The following ARL15 variants were observed in gnomAD, a reference collection of about 807,000 sequenced individuals.
ARL15 encodes the protein ADP-ribosylation factor-like protein 15.
In ARL15, 19 loss-of-function variants were observed where a neutral mutation model predicts 25.2. The observed-to-expected ratio is 0.75, with a 90% CI of 0.53 to 1.10. The LOEUF is 1.10. Ranked by LOEUF, ARL15 falls within the 50% of genes least tolerant of loss-of-function variation. The probability of loss-of-function intolerance (pLI) is 0.00; values close to 1 mark genes in which losing one functional copy is unlikely to be tolerated. For synonymous variants in ARL15, 94 were observed against 86.8 expected, an observed-to-expected ratio of 1.08 and a Z score of -0.46; for missense variants, 220 against 246.0, an observed-to-expected ratio of 0.89 and a Z score of 0.71.
rs562697715 is a variant in ARL15 at position 54,188,475 on chromosome 5, G to A, written c.49-16547C>T. On this transcript the variant is annotated intron_variant, in intron 1 of 4. Coordinates refer to ENST00000504924, the MANE Select transcript of ARL15 (RefSeq NM_019087.3). ...AGAAAGGGCATGCTCATGACTCTTT[G>A]ACTTTAGTGTTAACATTGATTTTAT... Among the ~76,000 whole-genome samples the A allele has an allele frequency of 4.6e-5, 7 of 152,220 alleles. No individual in the cohort carries two copies. The South Asian group carries it at 1.5e-3, about 32-fold the overall frequency.
chr5:54,017,621 GCAACAACAA>G (rs59853568), intron 4 of ARL15, among the ~76,000 whole-genome samples: 10 of 146,612 alleles, frequency 6.8e-5, no homozygotes, highest in African/African-American at 1.5e-4. Flanking sequence ...CCAAACCAAA[GCAACAACAA>G]CAACAACAAC....
At chr5:53,948,865 G>A (rs925940973) in intron 4 of ARL15, among the ~76,000 whole-genome samples, 7 of 152,062 alleles carry the variant, frequency 4.6e-5, no homozygotes, top group African/African-American at 1.7e-4. Flanking sequence ...AATGAGACAT[G>A]CTACTGAAAC....
intron 4 of ARL15, among the ~76,000 whole-genome samples, chr5:54,041,494 G>A (rs1311945020): frequency 6.6e-6 from 1 of 152,150 alleles, no homozygotes; most frequent in East Asian, 1.9e-4. Context: ...AAGCTAGAGG[G>A]ACCAAGGACA....
At chr5:53,970,416 A>G (rs894588327) in intron 4 of ARL15, among the ~76,000 whole-genome samples, 2 of 152,196 alleles carry the variant, frequency 1.3e-5, no homozygotes, top group Non-Finnish European at 2.9e-5. Context: ...AGTTCCAGGT[A>G]TTTCAATAGC....
intron 2 of ARL15, among the ~76,000 whole-genome samples, chr5:54,166,185 T>A (rs1260690027): frequency 6.6e-6 from 1 of 151,926 alleles, no homozygotes; most frequent in African/African-American, 2.4e-5. Flanking sequence ...CGTTTCTTTC[T>A]CTCTCTCTCT....
At chr5:54,108,276 G>A (rs1167894753) in intron 4 of ARL15, among the ~76,000 whole-genome samples, 1 of 152,048 alleles carries the variant, frequency 6.6e-6, no homozygotes, top group East Asian at 1.9e-4. Flanking sequence ...AGCGTGCAGT[G>A]CATCTGTAAG....
chr5:54,234,780 ATAAATT>A lies in ARL15; in HGVS notation c.49-62858_49-62853del, dbSNP rs548792204. On this transcript the variant is annotated intron_variant, in intron 1 of 4. Transcript: ENST00000504924. ...GACTTGTAAGCTCACAGAACACAAA[ATAAATT>A]TATTGGATTGTCAGAAGAATTACAA... 4.6e-5 allele frequency among the ~76,000 whole-genome samples: 7 copies of A among 152,344 alleles called. 1 individual carries two copies. The South Asian group carries it at 1.4e-3, about 32-fold the overall frequency.
At position 53,884,983 on chromosome 5, in the gene ARL15, A is replaced by T. The variant is rs545436475; in HGVS notation, c.*1578T>A. On this transcript the variant is annotated 3_prime_UTR_variant, in exon 5 of 5. Coordinates refer to ENST00000504924, the MANE Select transcript of ARL15 (RefSeq NM_019087.3). ...CTGATTCATGACATTAAAAAAAAAAAGCTTAAAGAAGTGTTTGATGTTTCA... is the reference window on the plus strand; with the variant it reads ...CTGATTCATGACATTAAAAAAAAAATGCTTAAAGAAGTGTTTGATGTTTCA... The T allele has an allele frequency of 6.6e-6, 1 of 152,640 alleles. No homozygotes were observed. The highest frequency in any genetic ancestry group is 2.1e-4 in the South Asian group (1 of 4,806). The allele number at this position is 152,640 out of a possible 1,614,324, so 9.5% of individuals were successfully genotyped here. A position where few individuals can be genotyped will look rare whatever the true frequency, so the allele number is the denominator to read the frequency against.
intron 4 of ARL15, among the ~76,000 whole-genome samples, chr5:53,899,394 T>C (rs1744991297): frequency 6.8e-6 from 1 of 146,340 alleles, no homozygotes; most frequent in Non-Finnish European, 1.5e-5. Context: ...AAAATAGATT[T>C]GTCAATTTTA....
chr5:54,246,628 C>T (rs1043870375), intron 1 of ARL15, among the ~76,000 whole-genome samples: 1 of 152,126 alleles, frequency 6.6e-6, no homozygotes, highest in African/African-American at 2.4e-5. Flanking sequence ...GATACACAGA[C>T]AAGGCTTTTA....
At chr5:54,303,669 AAAG>A (rs1185279217) in intron 1 of ARL15, among the ~76,000 whole-genome samples, 38 of 150,674 alleles carry the variant, frequency 2.5e-4, no homozygotes, top group South Asian at 6.3e-4. Flanking sequence ...AAAAAAAAAA[AAAG>A]AAGAAGAAGA....
intron 4 of ARL15, among the ~76,000 whole-genome samples, chr5:54,046,456 G>C (rs1314172189): frequency 3.3e-5 from 5 of 152,190 alleles, no homozygotes; most frequent in Non-Finnish European, 4.4e-5. Flanking sequence ...ACTCCAGCCT[G>C]GGCACGAGAG....
intron 4 of ARL15, among the ~76,000 whole-genome samples, chr5:53,940,215 C>A (rs1561158212): frequency 2.0e-5 from 3 of 152,210 alleles, no homozygotes; most frequent in South Asian, 4.2e-4. Context: ...CCCCGTCATC[C>A]GCCCACCTTG....
chr5:53,979,304 G>A (rs777089692), intron 4 of ARL15, among the ~76,000 whole-genome samples: 4 of 152,174 alleles, frequency 2.6e-5, no homozygotes, highest in Non-Finnish European at 5.9e-5. Flanking sequence ...AGGCCAAGGT[G>A]AGTGGATTGC....
At chr5:54,307,506 C>T (rs1196963677) in intron 1 of ARL15, among the ~76,000 whole-genome samples, 4 of 152,102 alleles carry the variant, frequency 2.6e-5, no homozygotes, top group Non-Finnish European at 5.9e-5. Flanking sequence ...TCAATAAAAC[C>T]CTGTCTTAAA....
intron 1 of ARL15, among the ~76,000 whole-genome samples, chr5:54,250,094 C>T (rs1757201704): frequency 6.6e-6 from 1 of 152,134 alleles, no homozygotes; most frequent in Admixed American, 6.5e-5. Context: ...TCTCAGGAAG[C>T]TTACAATCAT....
At chr5:53,925,549 T>A (rs1225611009) in intron 4 of ARL15, among the ~76,000 whole-genome samples, 1 of 152,222 alleles carries the variant, frequency 6.6e-6, no homozygotes, top group Non-Finnish European at 1.5e-5. Context: ...ATGCCTGTAA[T>A]CTCAGTGCTT....
At chr5:54,230,493 C>G (rs1467549916) in intron 1 of ARL15, among the ~76,000 whole-genome samples, 1 of 152,100 alleles carries the variant, frequency 6.6e-6, no homozygotes, top group Non-Finnish European at 1.5e-5. Flanking sequence ...CCAGATGCCT[C>G]AATACGGTCT....
In ARL15 at chr5:53,886,411, AT is replaced by A; in HGVS notation, c.*149del. ...TGATAATTCATCTGATCTACAGAAT[AT>A]TCACTTTAATAGAGAGATGAGAGTC... is the stretch of plus-strand genomic sequence containing the variant. On this transcript the variant is annotated 3_prime_UTR_variant, in exon 5 of 5. Transcript: ENST00000504924. 1.3e-6 allele frequency: 1 copy of A among 780,228 alleles called. No individual in the cohort carries two copies. The highest frequency in any genetic ancestry group is 2.0e-5 in the South Asian group (1 of 49,216). The allele number at this position is 780,228 out of a possible 1,614,324, so 48.3% of individuals were successfully genotyped here.
Sources: gnomAD v4.1 joint callset for allele counts (sites outside exome capture counted in the v4.1 genomes callset) on GRCh38, gnomAD v4.1.1 for gene constraint, MANE v1.5 for transcripts, NCBI Gene and HGNC (gene_info 2026-07-23, HGNC 2026-07-21) for gene names.